COBL: variants seen among roughly 807,000 people sequenced by gnomAD.
COBL encodes the protein protein cordon-bleu.
COBL carries 51 observed loss-of-function variants against 98.8 expected under a neutral mutation model. The ratio of observed to expected loss-of-function variants is 0.52; its 90% confidence interval spans 0.41 to 0.65. The LOEUF (loss-of-function observed/expected upper bound fraction) is 0.65. COBL is among the 30% of genes least tolerant of loss of function. The pLI is 0.00. For synonymous variants in COBL, 634 were observed against 651.7 expected (o/e 0.97, Z 0.41); for missense variants, 1,617 against 1,617.5 (o/e 1.00, Z 0.01).
rs1794102560 is a variant in COBL at position 51,085,244 on chromosome 7, G to C, written c.1018C>G (p.Pro340Ala). The part of the protein sequence containing the change: ...KKKRRAPAPP[P>A]PQPPPPSPLI... ...GGACTCGGTGGTGGTGGCTGTGGTG[G>C]AGGGGGAGCTGGCGCTCGCCGCTTC... Residue 340 changes from proline (P) to alanine (A), a missense_variant, in exon 7 of 13, where the codon CCA (proline) becomes GCA (alanine). By Grantham distance (27) the Pro-to-Ala change is conservative (BLOSUM62 -1). This residue lies in a region of COBL where 1,304 missense variants were observed against 1,282.0 expected (regional missense o/e 1.02). Transcript: ENST00000265136. The C allele has an allele frequency of 4.3e-6, 7 of 1,613,376 alleles. No individual in the cohort carries two copies. Among genetic ancestry groups the C allele is most frequent in the Non-Finnish European group, 5.9e-6 (7 of 1,179,918 alleles).
At chr7:51,082,760 A>T (rs1052780938) in intron 7 of COBL, among the ~76,000 whole-genome samples, 58 of 152,106 alleles carry the variant, frequency 3.8e-4, no homozygotes, top group Non-Finnish European at 1.5e-4. Context: ...CTCTACAGAC[A>T]CTCTGAGGTT....
chr7:51,297,134 T>G (rs1417855191), intron 1 of COBL, among the ~76,000 whole-genome samples: 1 of 152,170 alleles, frequency 6.6e-6, no homozygotes, highest in East Asian at 1.9e-4. Context: ...GTGACTCGGC[T>G]GCACATCCCT....
At chr7:51,060,055 G>A (rs1260917584) in intron 7 of COBL, among the ~76,000 whole-genome samples, 1 of 152,054 alleles carries the variant, frequency 6.6e-6, no homozygotes, top group Non-Finnish European at 1.5e-5. Context: ...TCCATGAGTC[G>A]ATCTGATCTC....
At chr7:51,115,831 T>C (rs938492003) in intron 6 of COBL, among the ~76,000 whole-genome samples, 1 of 152,062 alleles carries the variant, frequency 6.6e-6, no homozygotes, top group Non-Finnish European at 1.5e-5. Flanking sequence ...TGTTCTCCAA[T>C]ATGATGGTGG....
chr7:51,111,898 G>A (rs558196803), intron 6 of COBL, among the ~76,000 whole-genome samples: 3 of 152,110 alleles, frequency 2.0e-5, no homozygotes, highest in African/African-American at 7.2e-5. Flanking sequence ...TACATAATGC[G>A]ATTTATTTAT....
intron 2 of COBL, among the ~76,000 whole-genome samples, chr7:51,218,132 C>A (rs1184388685): frequency 2.6e-5 from 4 of 152,248 alleles, no homozygotes; most frequent in African/African-American, 7.2e-5. Context: ...CATGACTCAA[C>A]AGTTCCAATC....
intron 1 of COBL, among the ~76,000 whole-genome samples, chr7:51,261,946 CT>C (rs1343684933): frequency 1.3e-5 from 2 of 152,078 alleles, no homozygotes; most frequent in African/African-American, 4.8e-5. Flanking sequence ...GAAACTCCAT[CT>C]CAAAACAAAA....
chr7:51,080,671 T>C (rs980657415), intron 7 of COBL, among the ~76,000 whole-genome samples: 1 of 152,150 alleles, frequency 6.6e-6, no homozygotes, highest in Non-Finnish European at 1.5e-5. Flanking sequence ...GTGAGGAACA[T>C]AGTTTTAAAA....
intron 5 of COBL, among the ~76,000 whole-genome samples, chr7:51,139,213 T>C (rs1430379559): frequency 6.6e-6 from 1 of 152,202 alleles, no homozygotes; most frequent in Admixed American, 6.5e-5. Context: ...TCCTTCAAAG[T>C]TGTTACAAGC....
At chr7:51,085,661 A>G (rs1794168225) in intron 6 of COBL, among the ~76,000 whole-genome samples, 2 of 152,234 alleles carry the variant, frequency 1.3e-5, no homozygotes, top group South Asian at 2.1e-4. Context: ...GTCCTTCATT[A>G]AATGTAAGGA....
At chr7:51,116,738 C>CATAA (rs1414973137) in intron 6 of COBL, among the ~76,000 whole-genome samples, 3 of 151,950 alleles carry the variant, frequency 2.0e-5, no homozygotes, top group Non-Finnish European at 4.4e-5. Context: ...TTAAGTGTTT[C>CATAA]TTTTATGGAG....
At chr7:51,183,592 T>C in intron 5 of COBL, among the ~76,000 whole-genome samples, 1 of 152,204 alleles carries the variant, frequency 6.6e-6, no homozygotes, top group Admixed American at 6.5e-5. Flanking sequence ...TATCACATAG[T>C]ACATTCCCAG....
At chr7:51,208,896 G>C (rs992697253) in intron 2 of COBL, among the ~76,000 whole-genome samples, 2 of 151,880 alleles carry the variant, frequency 1.3e-5, no homozygotes, top group African/African-American at 4.8e-5. Flanking sequence ...CAAGTACCCA[G>C]GGACACAAAC....
At chr7:51,278,792 G>A (rs1336831755) in intron 1 of COBL, among the ~76,000 whole-genome samples, 2 of 152,198 alleles carry the variant, frequency 1.3e-5, no homozygotes, top group African/African-American at 4.8e-5. Context: ...GTATGAAAAT[G>A]ACACCAATCA....
intron 2 of COBL, among the ~76,000 whole-genome samples, chr7:51,207,754 T>G (rs1458791695): frequency 6.6e-6 from 1 of 152,216 alleles, no homozygotes; most frequent in Admixed American, 6.5e-5. Flanking sequence ...CAGGCTGGAG[T>G]GCAGTGACGT....
intron 6 of COBL, among the ~76,000 whole-genome samples, chr7:51,095,605 G>T (rs1175434110): frequency 6.7e-6 from 1 of 150,342 alleles, no homozygotes; most frequent in Non-Finnish European, 1.5e-5. Flanking sequence ...ATGGCTGAAT[G>T]GATTAAAAAA....
intron 5 of COBL, among the ~76,000 whole-genome samples, chr7:51,138,995 A>G (rs541171585): frequency 2.6e-5 from 4 of 152,298 alleles, no homozygotes; most frequent in South Asian, 2.1e-4. Flanking sequence ...TGCCCTGAGC[A>G]CTTAAGGAAG....
At chr7:51,191,285 C>T (rs1413636111) in intron 3 of COBL, among the ~76,000 whole-genome samples, 1 of 152,114 alleles carries the variant, frequency 6.6e-6, no homozygotes, top group East Asian at 1.9e-4. Flanking sequence ...GAATCTCTTG[C>T]TAGTGAACAA....
chr7:51,228,344 A>C (rs1260763462), intron 1 of COBL, among the ~76,000 whole-genome samples: 1 of 151,828 alleles, frequency 6.6e-6, no homozygotes, highest in Non-Finnish European at 1.5e-5. Flanking sequence ...GCACTCAATG[A>C]CTGGTGGTAA....
Sources: allele counts gnomAD v4.1 joint callset (sites outside exome capture counted in the v4.1 genomes callset), GRCh38; gene constraint gnomAD v4.1.1; regional missense constraint gnomAD v4.1.1; transcripts MANE v1.5; gene names NCBI Gene and HGNC (gene_info 2026-07-23, HGNC 2026-07-21).